UVRAG: variants seen among roughly 807,000 people sequenced by gnomAD.
UVRAG encodes the protein UV radiation resistance associated.
In UVRAG, 19 loss-of-function variants were observed where a neutral mutation model predicts 78.0. The observed-to-expected ratio is 0.24, with a 90% CI of 0.17 to 0.36. The LOEUF is 0.36. Among genes scored for constraint, UVRAG ranks in the 10% least tolerant of loss-of-function variants. UVRAG has a pLI of 1.00. For missense variants in UVRAG, 740 were observed against 853.8 expected (o/e 0.87, Z 1.66); for synonymous variants, 323 against 324.6 (o/e 1.00, Z 0.05).
At chr11:75,865,694 A>C (rs1946522619) in intron 3 of UVRAG, among the ~76,000 whole-genome samples, 1 of 149,236 alleles carries the variant, frequency 6.7e-6, no homozygotes, top group Non-Finnish European at 1.5e-5. Flanking sequence ...GGCTCATTTT[A>C]ACCTCCGCCT....
chr11:75,871,628 A>G (rs981542163), intron 3 of UVRAG, among the ~76,000 whole-genome samples: 1 of 152,190 alleles, frequency 6.6e-6, no homozygotes, highest in Non-Finnish European at 1.5e-5. Context: ...AGATTCGTTC[A>G]TGTTGTATAT....
chr11:75,851,439 A>G (rs1026221455), intron 1 of UVRAG, among the ~76,000 whole-genome samples: 2 of 152,176 alleles, frequency 1.3e-5, no homozygotes, highest in Admixed American at 6.5e-5. Flanking sequence ...GCTTGTATAG[A>G]TAATCTGGCA....
intron 14 of UVRAG, among the ~76,000 whole-genome samples, chr11:76,119,757 C>G (rs1290716815): frequency 6.6e-6 from 1 of 152,224 alleles, no homozygotes; most frequent in East Asian, 1.9e-4. Context: ...CTTTTCTTAC[C>G]CAAACAGCTG....
At position 75,851,218 on chromosome 11, in the gene UVRAG, A is replaced by T. The variant is rs144481566; in HGVS notation, c.118-665A>T. On this transcript the variant is annotated intron_variant, in intron 1 of 14. Coordinates refer to ENST00000356136, the MANE Select transcript of UVRAG (RefSeq NM_003369.4). ...TTTTTGTTGATTTCTACTATTGCTT[A>T]TGAAGCTTTTCCATTTCTAAACTTA... is the stretch of plus-strand genomic sequence containing the variant. Among the ~76,000 whole-genome samples, 216 of 152,278 alleles carry T rather than the reference A, an allele frequency of 1.4e-3. 3 individuals carry two copies. Among genetic ancestry groups the T allele is most frequent in the African/African-American group, 4.8e-3 (201 of 41,550 alleles).
At chr11:75,896,503 T>C (rs1294563648) in intron 5 of UVRAG, among the ~76,000 whole-genome samples, 1 of 152,320 alleles carries the variant, frequency 6.6e-6, no homozygotes, top group East Asian at 1.9e-4. Flanking sequence ...CAGATTGATA[T>C]AAGTTTAATT....
chr11:76,140,670 C>A, intron 14 of UVRAG, 41 bp from the exon 15 acceptor site: 2 of 1,528,322 alleles, frequency 1.3e-6, no homozygotes, highest in South Asian at 1.3e-5. Context: ...ACACTGAGTT[C>A]TGAAGTCCAA....
chr11:75,912,519 A>G (rs537327826), intron 6 of UVRAG, among the ~76,000 whole-genome samples: 16 of 152,298 alleles, frequency 1.1e-4, no homozygotes, highest in Admixed American at 5.2e-4. Flanking sequence ...TCAGCTCTAT[A>G]TTTTCATAAT....
intron 1 of UVRAG, among the ~76,000 whole-genome samples, chr11:75,842,855 C>T (rs561393784): frequency 1.4e-4 from 21 of 152,234 alleles, no homozygotes; most frequent in African/African-American, 4.3e-4. Context: ...AACTCAAACT[C>T]GATTTAGAAG....
chr11:75,924,634 C>T (rs1948053513), intron 6 of UVRAG, among the ~76,000 whole-genome samples: 2 of 152,124 alleles, frequency 1.3e-5, no homozygotes. Flanking sequence ...GTGATCCACC[C>T]GCCTCGGCCT....
At chr11:76,095,494 AAT>A (rs1050863033) in intron 13 of UVRAG, among the ~76,000 whole-genome samples, 29 of 151,392 alleles carry the variant, frequency 1.9e-4, no homozygotes, top group African/African-American at 4.6e-4. Flanking sequence ...TTGTGATATA[AAT>A]ATATGTCTCA....
Position 76,096,819 on chromosome 11 carries a change from A to G in UVRAG, c.1306-19105A>G, listed in dbSNP as rs562986606. ...GTCAGCAGTTTCAGCTGGGACCTTA[A>G]CCCGGGATTTGGAAGTCCTGTTGAA... On this transcript the variant is annotated intron_variant, in intron 13 of 14. Coordinates refer to ENST00000356136, the MANE Select transcript of UVRAG (RefSeq NM_003369.4). Among the ~76,000 whole-genome samples, 602 of 152,152 alleles carry G rather than the reference A, an allele frequency of 4.0e-3. 3 individuals are homozygous for G. The highest frequency in any genetic ancestry group is 0.013 in the African/African-American group (552 of 41,506).
rs1255366200 is a variant in UVRAG, at chr11:75,865,618, C to CT, written c.270+3851dup. On this transcript the variant is annotated intron_variant, in intron 3 of 14. Transcript: ENST00000356136. ...GTTCTAGATGCTTCTGAAAAGCTTT[C>CT]TTTTTTTTTTTTTGAGATGTTGTCT... is the stretch of plus-strand genomic sequence containing the variant. 6.3e-3 allele frequency among the ~76,000 whole-genome samples: 901 copies of CT among 144,106 alleles called. 5 individuals are homozygous for CT. Among genetic ancestry groups the CT allele is most frequent in the African/African-American group, 0.016 (627 of 39,648 alleles). 94.5% of individuals were successfully genotyped at this position (144,106 alleles called of 152,430 possible). A position where few individuals can be genotyped will look rare whatever the true frequency, so the allele number is the denominator to read the frequency against.
rs1454205090 is a variant in UVRAG at position 76,143,706 on chromosome 11, C to A, written c.*2293C>A. Among the ~76,000 whole-genome samples, 1 of 152,228 alleles carries A rather than the reference C, an allele frequency of 6.6e-6. No homozygotes were observed. Among genetic ancestry groups the A allele is most frequent in the East Asian group, 1.9e-4 (1 of 5,200 alleles). On this transcript the variant is annotated 3_prime_UTR_variant, in exon 15 of 15. Transcript: ENST00000356136. ...TAGAACCTATGGGATTACCCGTCTC[C>A]TGGAATAACTGTTTGACGTTTTCCA...
rs114708198 is a variant in UVRAG, at chr11:76,037,459, T to C, written c.1226+20479T>C. Among the ~76,000 whole-genome samples, 515 of 151,290 alleles carry C rather than the reference T, an allele frequency of 3.4e-3. 6 individuals carry two copies. The highest frequency in any genetic ancestry group is 0.012 in the African/African-American group (497 of 41,204). ...GGCTCACGCCTGTAATCCCAGCACT[T>C]TGGGAGGTTGCAGCGGGCAGATTGC... is the stretch of plus-strand genomic sequence containing the variant. On this transcript the variant is annotated intron_variant, in intron 12 of 14. Transcript: ENST00000356136.
chr11:75,827,203 G>GT (rs531233422), intron 1 of UVRAG, among the ~76,000 whole-genome samples: 315 of 145,354 alleles, frequency 2.2e-3, no homozygotes, highest in Middle Eastern at 3.5e-3. Flanking sequence ...CTTATGATCT[G>GT]TTTTTTTTTT....
At chr11:76,115,822 T>G (rs538714364) in intron 13 of UVRAG, 102 bp from the exon 14 acceptor site, 12 of 1,019,164 alleles carry the variant, frequency 1.2e-5, no homozygotes, top group African/African-American at 8.0e-5. Flanking sequence ...ACATTTACAT[T>G]TCCTCTTTTA....
chr11:76,059,032 G>C (rs555348821), intron 12 of UVRAG, among the ~76,000 whole-genome samples: 1 of 152,218 alleles, frequency 6.6e-6, no homozygotes, highest in Non-Finnish European at 1.5e-5. Context: ...CGAAAGGTAG[G>C]CAGAGGAGTT....
At chr11:75,971,748 C>T (rs1161050091) in intron 7 of UVRAG, among the ~76,000 whole-genome samples, 6 of 151,816 alleles carry the variant, frequency 4.0e-5, no homozygotes, top group East Asian at 3.9e-4. Flanking sequence ...TGCTGTAGCA[C>T]GATCCTGGTT....
chr11:75,920,474 C>A (rs1156687209), intron 6 of UVRAG, among the ~76,000 whole-genome samples: 3 of 152,122 alleles, frequency 2.0e-5, no homozygotes, highest in Admixed American at 1.3e-4. Flanking sequence ...CATATACACA[C>A]ACACACAGTT....
Sources: allele counts gnomAD v4.1 joint callset (sites outside exome capture counted in the v4.1 genomes callset), GRCh38; gene constraint gnomAD v4.1.1; transcripts MANE v1.5; gene names NCBI Gene and HGNC (gene_info 2026-07-23, HGNC 2026-07-21).